Variants in EIF3G observed in about 807,000 individuals in gnomAD.
EIF3G encodes the protein eukaryotic translation initiation factor 3 subunit G, also known as eukaryotic translation initiation factor 3 RNA-binding subunit.
A neutral mutation model predicts 41.7 loss-of-function variants in EIF3G; 10 were observed. The observed-to-expected ratio is 0.24, with a 90% CI of 0.15 to 0.41. EIF3G has a LOEUF of 0.41. EIF3G is among the 10% of genes least tolerant of loss of function. The pLI, the probability that EIF3G is intolerant of heterozygous loss-of-function variation, is 1.00. For synonymous variants in EIF3G, 204 were observed against 172.5 expected (o/e 1.18, Z -1.43); for missense variants, 297 against 444.0 (o/e 0.67, Z 2.98).
chr19:10,115,932 C>G, intron 8 of EIF3G, 35 bp downstream of exon 8: 1 of 1,607,404 alleles, frequency 6.2e-7, no homozygotes, highest in Non-Finnish European at 8.5e-7. Flanking sequence ...CCGGGAGGTG[C>G]CCACCCACCA....
intron 5 of EIF3G, among the ~76,000 whole-genome samples, chr19:10,117,820 C>T (rs1347009477): frequency 3.3e-5 from 5 of 152,156 alleles, no homozygotes; most frequent in East Asian, 3.9e-4. Context: ...CTTTGAGAGG[C>T]GAAGGTGGGA....
In EIF3G at chr19:10,115,047, G is replaced by A; in HGVS notation, c.*67C>T. ...GTGGAGCTGCTTTATTGCCCTTGGA[G>A]CCCGCGCTCTCGGAGGCTGTCTTCT... On this transcript the variant is annotated 3_prime_UTR_variant, in exon 11 of 11. Coordinates refer to ENST00000253108, the MANE Select transcript of EIF3G (RefSeq NM_003755.5). 6.2e-7 allele frequency: 1 copy of A among 1,606,400 alleles called. No individual in the cohort carries two copies. Among genetic ancestry groups the A allele is most frequent in the Non-Finnish European group, 8.5e-7 (1 of 1,175,316 alleles).
Position 10,118,858 on chromosome 19 carries a change from C to G in EIF3G, c.240+10G>C, listed in dbSNP as rs879295784. The G allele has an allele frequency of 1.9e-6, 3 of 1,613,746 alleles. No individual in the cohort carries two copies. The highest frequency in any genetic ancestry group is 2.5e-6 in the Non-Finnish European group (3 of 1,179,796). ...CAAGGGTCCCCACTCCCTGCACCCC[C>G]CACCCTCACCTTGAACTTCTTGCCA... is the stretch of plus-strand genomic sequence containing the variant. On this transcript the variant is annotated intron_variant, in intron 4 of 10. Coordinates refer to ENST00000253108, the MANE Select transcript of EIF3G (RefSeq NM_003755.5).
rs1314531004 is a variant in EIF3G, at chr19:10,116,070, T to C, written c.600A>G (p.Leu200=). ...TGEKEKLPGE[L]EPVQATQNKT... is the part of the protein sequence containing the mutation. ...TGTTCTGCGTGGCCTGCACCGGCTC[T>C]AGCTCTGGGGACCAAAAGACAGTCA... Residue 200 remains leucine (L), a synonymous_variant, in exon 8 of 11, where the codon CTA becomes CTG. Coordinates refer to ENST00000253108, the MANE Select transcript of EIF3G (RefSeq NM_003755.5). This position sits in a 1 kb window ranked among gnomAD's most constrained non-coding sequence, Gnocchi z 4.1. The C allele has an allele frequency of 6.2e-7, 1 of 1,613,706 alleles. No homozygotes were observed. Among genetic ancestry groups the C allele is most frequent in the Admixed American group, 1.7e-5 (1 of 59,950 alleles).
rs547348977 is a variant in EIF3G at position 10,119,739 on chromosome 19, G to A, written c.21-39C>T. ...TGTGTGGGGAACGAAGATTAAGTCA[G>A]CCAGGCCCGGCTCCCGCAGCCTCGG... On this transcript the variant is annotated intron_variant, in intron 1 of 10. Transcript: ENST00000253108. 1.9e-6 allele frequency: 3 copies of A among 1,612,908 alleles called. No individual in the cohort carries two copies. In the African/African-American group the frequency reaches 4.0e-5, roughly 21 times the overall value.
chr19:10,115,141 G>T lies in EIF3G; in HGVS notation c.948-12C>A. 6.2e-7 allele frequency: 1 copy of T among 1,613,842 alleles called. No homozygotes were observed. Among genetic ancestry groups the T allele is most frequent in the Non-Finnish European group, 8.5e-7 (1 of 1,179,990 alleles). ...AGTTGGTGGACGGCCTGGGGTAGGG[G>T]AGGGTGGCAGGTATAAGACTTCTGG... On this transcript the variant is annotated splice_polypyrimidine_tract_variant and intron_variant, in intron 10 of 10. Transcript: ENST00000253108.
chr19:10,116,756 G>C lies in EIF3G; in HGVS notation c.595+44C>G. 1 of 1,523,146 alleles carries C rather than the reference G, an allele frequency of 6.6e-7. No homozygotes were observed. Among genetic ancestry groups the C allele is most frequent in the Non-Finnish European group, 8.8e-7 (1 of 1,133,238 alleles). 94.4% of individuals were successfully genotyped at this position (1,523,146 alleles called of 1,614,324 possible). ...ATGACAGCACGAAGGCAGCAGTGGG[G>C]ACAGAACCCGTGCACTGACAGCAGG... On this transcript the variant is annotated intron_variant, in intron 7 of 10. Coordinates refer to ENST00000253108, the MANE Select transcript of EIF3G (RefSeq NM_003755.5). This position sits in a 1 kb window ranked among gnomAD's most constrained non-coding sequence, Gnocchi z 4.1.
At position 10,115,831 on chromosome 19, in the gene EIF3G, GA is replaced by G; in HGVS notation, c.704-12del. 1.2e-6 allele frequency: 2 copies of G among 1,610,864 alleles called. No homozygotes were observed. The highest frequency in any genetic ancestry group is 1.7e-6 in the Non-Finnish European group (2 of 1,179,532). On this transcript the variant is annotated splice_polypyrimidine_tract_variant and intron_variant, in intron 8 of 10. Transcript: ENST00000253108. ...TGGCGTTGTCGTCGGCTGTGTGGGAGAGGGGAGGTGGCTGTGAGGGGGAGGA... is the reference window on the plus strand; with the variant it reads ...TGGCGTTGTCGTCGGCTGTGTGGGAGGGGGAGGTGGCTGTGAGGGGGAGGA...
In EIF3G at chr19:10,119,037, C is replaced by CCCGGACACCGAGTGGCAGT. The variant is rs775807490; in HGVS notation, c.151+32_151+50dup. 4.0e-5 allele frequency: 64 copies of CCCGGACACCGAGTGGCAGT among 1,607,962 alleles called. No homozygotes were observed. In the East Asian group the frequency reaches 1.4e-3, roughly 35 times the overall value. ...GCGGCAGGGCTGGAGGGAGAGGCAG[C>CCCGGACACCGAGTGGCAGT]CCGGACACCGAGTGGCAGTCCTCAC... On this transcript the variant is annotated intron_variant, in intron 3 of 10. Coordinates refer to ENST00000253108, the MANE Select transcript of EIF3G (RefSeq NM_003755.5).
rs1383780521 is a variant in EIF3G at position 10,119,899 on chromosome 19, G to A, written c.-40C>T. On this transcript the variant is annotated 5_prime_UTR_variant, in exon 1 of 11. Transcript: ENST00000253108. The stretch of plus-strand genomic sequence containing the variant: ...TCCACGCAGCCCAAGCCCGGCCAGA[G>A]AGCGGAAGCGGGCGAAAACGAGACT... The A allele has an allele frequency of 6.2e-7, 1 of 1,613,996 alleles. No individual in the cohort carries two copies. Among genetic ancestry groups the A allele is most frequent in the Non-Finnish European group, 8.5e-7 (1 of 1,180,024 alleles).
intron 10 of EIF3G, 104 bp downstream of exon 10, chr19:10,115,375 C>T (rs371268998): frequency 4.2e-5 from 57 of 1,351,636 alleles, no homozygotes; most frequent in African/African-American, 7.3e-5. Flanking sequence ...CAAAACCAGC[C>T]GGGGGACTGT....
intron 2 of EIF3G, 165 bp from the exon 3 acceptor site, chr19:10,119,336 G>A (rs1404066457): frequency 4.7e-6 from 4 of 846,618 alleles, no homozygotes; most frequent in African/African-American, 1.7e-5. Context: ...TGGGGACTCG[G>A]AGTGGCAAGG....
chr19:10,115,859 A>ACTGCCCAGCCCTCGTGTG (rs374203842), intron 8 of EIF3G, 39 bp from the exon 9 acceptor site: 61 of 1,606,634 alleles, frequency 3.8e-5, no homozygotes, highest in Admixed American at 1.5e-4. Context: ...GGGGGAGGAC[A>ACTGCCCAGCCCTCGTGTG]CTGCCCAGCC....
rs2089278381 is a variant in EIF3G, at chr19:10,118,573, A to T, written c.300+95T>A. The T allele has an allele frequency of 5.2e-6, 7 of 1,343,082 alleles. No homozygotes were observed. In the East Asian group the frequency reaches 1.4e-4, roughly 27 times the overall value. 83.2% of individuals were successfully genotyped at this position (1,343,082 alleles called of 1,614,324 possible). A position where few individuals can be genotyped will look rare whatever the true frequency, so the allele number is the denominator to read the frequency against. The stretch of plus-strand genomic sequence containing the variant: ...GAGCAACACTCTGTCTCAAAAAAAA[A>T]AAAAAAAAAGAGTTAAGCCCCATCT... On this transcript the variant is annotated intron_variant, in intron 5 of 10. Coordinates refer to ENST00000253108, the MANE Select transcript of EIF3G (RefSeq NM_003755.5).
Position 10,116,092 on chromosome 19 carries a change from G to T in EIF3G, c.596-18C>A, listed in dbSNP as rs369220670. ...CTCTAGCTCTGGGGACCAAAAGACAGTCAAGTTCAACCTCACTGTGGCGCA... is the reference window on the plus strand; with the variant it reads ...CTCTAGCTCTGGGGACCAAAAGACATTCAAGTTCAACCTCACTGTGGCGCA... On this transcript the variant is annotated intron_variant, in intron 7 of 10. Transcript: ENST00000253108. This position sits in a 1 kb window ranked among gnomAD's most constrained non-coding sequence, Gnocchi z 4.1. 6.8e-6 allele frequency: 11 copies of T among 1,611,412 alleles called. No homozygotes were observed. The highest frequency in any genetic ancestry group is 1.3e-5 in the African/African-American group (1 of 74,900).
rs1485237885 is a variant in EIF3G at position 10,116,888 on chromosome 19, G to A, written c.507C>T (p.Cys169=). 1 of 1,613,980 alleles carries A rather than the reference G, an allele frequency of 6.2e-7. No individual in the cohort carries two copies. The change falls in exon 7 of 11, where the codon TGC becomes TGT. Residue 169 remains cysteine (C), a synonymous_variant. Coordinates refer to ENST00000253108, the MANE Select transcript of EIF3G (RefSeq NM_003755.5). This position sits in a 1 kb window ranked among gnomAD's most constrained non-coding sequence, Gnocchi z 4.1. The part of the protein sequence containing the change: ...ICKGDHWTTR[C]PYKDTLGPMQ... ...TGGGCCCCAGCGTATCCTTGTAGGG[G>A]CAGCGGGTGGTCCAGTGGTCGCCCT...
rs772746591 is a variant in EIF3G, at chr19:10,115,956, G to A, written c.703+11C>T. 6.8e-6 allele frequency: 11 copies of A among 1,611,462 alleles called. No individual in the cohort carries two copies. Among genetic ancestry groups the A allele is most frequent in the Non-Finnish European group, 9.3e-6 (11 of 1,178,542 alleles). On this transcript the variant is annotated intron_variant, in intron 8 of 10. Transcript: ENST00000253108. ...GCCCACCCACCAGCCTGGCGTCGGG[G>A]TGCCCCTCACCTCTGCGGTTGGGCT... is the stretch of plus-strand genomic sequence containing the variant.
chr19:10,119,114 C>T lies in EIF3G; in HGVS notation c.125G>A (p.Ser42Asn), dbSNP rs769413677. ...TCCCGGCAGTAGCTCTGGCTCTGGG[C>T]TGGTGTCACCTGTGGCCAGAGGGAT... is the stretch of plus-strand genomic sequence containing the variant. ...KGIPLATGDT[S>N]PEPELLPGAP... is the part of the protein sequence containing the mutation. The change falls in exon 3 of 11, where the codon AGC becomes AAC. Residue 42 changes from serine (S) to asparagine (N), a missense_variant. Ser to Asn is a conservative substitution (Grantham distance 46). This residue lies in a region of EIF3G where 147 missense variants were observed against 162.4 expected (regional missense o/e 0.91). Coordinates refer to ENST00000253108, the MANE Select transcript of EIF3G (RefSeq NM_003755.5). 1 of 1,602,260 alleles carries T rather than the reference C, an allele frequency of 6.2e-7. No individual in the cohort carries two copies. Among genetic ancestry groups the T allele is most frequent in the South Asian group, 1.1e-5 (1 of 89,528 alleles).
chr19:10,116,761 A>T lies in EIF3G; in HGVS notation c.595+39T>A. On this transcript the variant is annotated intron_variant, in intron 7 of 10. Transcript: ENST00000253108. The surrounding 1 kb of genome is among the most constrained non-coding windows in gnomAD (Gnocchi z 4.1). The stretch of plus-strand genomic sequence containing the variant: ...AGCACGAAGGCAGCAGTGGGGACAG[A>T]ACCCGTGCACTGACAGCAGGACCCT... 6.5e-7 allele frequency: 1 copy of T among 1,528,846 alleles called. No individual in the cohort carries two copies. Among genetic ancestry groups the T allele is most frequent in the Non-Finnish European group, 8.8e-7 (1 of 1,136,552 alleles). The allele number at this position is 1,528,846 out of a possible 1,614,324, so 94.7% of individuals were successfully genotyped here.
Sources: allele counts gnomAD v4.1 joint callset (sites outside exome capture counted in the v4.1 genomes callset), GRCh38; gene constraint gnomAD v4.1.1; regional missense constraint gnomAD v4.1.1; non-coding constraint Gnocchi (gnomAD v3.1); transcripts MANE v1.5; gene names NCBI Gene and HGNC (gene_info 2026-07-23, HGNC 2026-07-21).